FKBP5: variants seen among roughly 807,000 people sequenced by gnomAD.
FKBP5 encodes the protein FKBP prolyl isomerase 5.
In FKBP5, 23 loss-of-function variants were observed where a neutral mutation model predicts 50.5. That is an observed-to-expected ratio of 0.46 (90% CI 0.33 to 0.65). FKBP5 has a LOEUF of 0.65. FKBP5 is among the 30% of genes least tolerant of loss of function. The pLI is 0.02. For synonymous variants in FKBP5, 176 were observed against 190.6 expected (o/e 0.92, Z 0.63); for missense variants, 411 against 553.1 (o/e 0.74, Z 2.58).
intron 2 of FKBP5, among the ~76,000 whole-genome samples, chr6:35,711,941 A>C (rs960873831): frequency 6.6e-6 from 1 of 151,424 alleles, no homozygotes; most frequent in Non-Finnish European, 1.5e-5. Flanking sequence ...CAGTGGTGCA[A>C]TCATAGTTCA....
chr6:35,612,715 A>G (rs2150973141), intron 5 of FKBP5, among the ~76,000 whole-genome samples: 1 of 152,368 alleles, frequency 6.6e-6, no homozygotes, highest in South Asian at 2.1e-4. Flanking sequence ...AAGAGCCAGC[A>G]GGGTTTCCCT....
At chr6:35,595,928 G>C (rs915591171) in intron 6 of FKBP5, among the ~76,000 whole-genome samples, 1 of 152,172 alleles carries the variant, frequency 6.6e-6, no homozygotes, top group African/African-American at 2.4e-5. Context: ...GCTATAGTTA[G>C]TGGAAAGAGG....
chr6:35,577,159 A>G lies in FKBP5; in HGVS notation c.1101T>C (p.Phe367=), dbSNP rs1762248020. 6 of 1,614,046 alleles carry G rather than the reference A, an allele frequency of 3.7e-6. No individual in the cohort carries two copies. Among genetic ancestry groups the G allele is most frequent in the Admixed American group, 1.7e-5 (1 of 60,008 alleles). ...RGEAQLLMNE[F]ESAKGDFEKV... ...TCTCAAAGTCACCCTTGGCTGACTC[A>G]AACTCGTTCATGAGCAGCTGGGCTT... is the stretch of plus-strand genomic sequence containing the variant. The change falls in exon 10 of 11, where the codon TTT becomes TTC. Residue 367 remains phenylalanine, a synonymous_variant. Coordinates refer to ENST00000357266, the MANE Select transcript of FKBP5 (RefSeq NM_004117.4).
rs1179506863 is a variant in FKBP5, at chr6:35,597,256, A to G, written c.657T>C (p.Leu219=). The G allele has an allele frequency of 1.9e-6, 3 of 1,613,948 alleles. No homozygotes were observed. Among genetic ancestry groups the G allele is most frequent in the Non-Finnish European group, 2.5e-6 (3 of 1,179,964 alleles). The change falls in exon 6 of 11, where the codon CTT becomes CTC. Residue 219 remains leucine (L), a synonymous_variant. Transcript: ENST00000357266. ...ACTGGTATGCTGCTTACCTTGGTCC[A>G]AGATATAAAATACATTGTTCTTCCC... is the stretch of plus-strand genomic sequence containing the variant. ...MQREEQCILY[L]GPRYGFGEAG... is the part of the protein sequence containing the mutation.
chr6:35,643,835 G>A (rs756910780), intron 1 of FKBP5, among the ~76,000 whole-genome samples: 44 of 152,074 alleles, frequency 2.9e-4, no homozygotes, highest in Admixed American at 5.9e-4. Context: ...AAGACTATGC[G>A]CCTGTTAGGT....
At chr6:35,687,130 G>C (rs1484621982) in intron 1 of FKBP5, among the ~76,000 whole-genome samples, 2 of 152,126 alleles carry the variant, frequency 1.3e-5, no homozygotes, top group African/African-American at 4.8e-5. Context: ...TAGCAACTTT[G>C]TTCTTAACTT....
chr6:35,599,001 A>AATAAAT (rs1428372684), intron 5 of FKBP5, among the ~76,000 whole-genome samples: 3 of 151,964 alleles, frequency 2.0e-5, no homozygotes, highest in African/African-American at 7.3e-5. Context: ...TAAATAAATA[A>AATAAAT]AAATAAAAAA....
intron 8 of FKBP5, chr6:35,580,861 G>A: frequency 1.0e-6 from 1 of 985,228 alleles, no homozygotes; most frequent in Non-Finnish European, 1.2e-6. Context: ...TCTTTCAAAA[G>A]GATTGTGAGC....
intron 2 of FKBP5, among the ~76,000 whole-genome samples, chr6:35,701,243 T>G (rs1336812677): frequency 6.7e-6 from 1 of 149,746 alleles, no homozygotes; most frequent in African/African-American, 2.4e-5. Flanking sequence ...GTTTTTTGTT[T>G]TTTTGTTTTT....
At chr6:35,612,774 T>G (rs939673149) in intron 5 of FKBP5, among the ~76,000 whole-genome samples, 1 of 152,182 alleles carries the variant, frequency 6.6e-6, no homozygotes, top group Non-Finnish European at 1.5e-5. Context: ...CACTCTATCA[T>G]GAGAACAGCA....
At chr6:35,714,239 G>C in intron 2 of FKBP5, among the ~76,000 whole-genome samples, 1 of 145,914 alleles carries the variant, frequency 6.9e-6, no homozygotes, top group Non-Finnish European at 1.5e-5. Context: ...ATCACCTGAG[G>C]TCAGGAGTTC....
intron 5 of FKBP5, among the ~76,000 whole-genome samples, chr6:35,615,971 A>G (rs1471026722): frequency 6.6e-6 from 1 of 152,184 alleles, no homozygotes; most frequent in African/African-American, 2.4e-5. Context: ...AAAACATCCC[A>G]GAAACCCAAA....
At chr6:35,667,021 G>C (rs1581866341) in intron 1 of FKBP5, among the ~76,000 whole-genome samples, 1 of 7,788 alleles carries the variant, frequency 1.3e-4, no homozygotes, top group Non-Finnish European at 2.1e-4. Flanking sequence ...GTGTGTGTCT[G>C]TGTGTGTGTG....
intron 5 of FKBP5, among the ~76,000 whole-genome samples, chr6:35,602,381 C>T (rs1030762104): frequency 6.6e-6 from 1 of 152,018 alleles, no homozygotes; most frequent in Non-Finnish European, 1.5e-5. Flanking sequence ...TAGCTTTGCA[C>T]TCATTCTCAA....
At chr6:35,610,781 C>A (rs1039302643) in intron 5 of FKBP5, among the ~76,000 whole-genome samples, 68 of 151,882 alleles carry the variant, frequency 4.5e-4, no homozygotes, top group African/African-American at 1.6e-3. Flanking sequence ...AGTTTTCAGT[C>A]CTTGCCTGCA....
Position 35,642,737 on chromosome 6 carries a change from C to T in FKBP5, c.88G>A (p.Asp30Asn). ...GGCCTCACCTTTAATACTCCCCTGT[C>T]TTTTTTGGAGGTAATATCCTCTCCC... ...EQGEDITSKK[D>N]RGVLKIVKRV... is the part of the protein sequence containing the mutation. The change falls in exon 2 of 11, where the codon GAC becomes AAC. Residue 30 changes from aspartate to asparagine, a missense_variant. Asp to Asn is a conservative substitution (Grantham distance 23). Around this residue, in one of 3 missense-constraint regions of FKBP5, gnomAD observed 56 missense variants for 58.2 expected, o/e 0.96. Coordinates refer to ENST00000357266, the MANE Select transcript of FKBP5 (RefSeq NM_004117.4). 1 of 1,613,872 alleles carries T rather than the reference C, an allele frequency of 6.2e-7. No homozygotes were observed. The highest frequency in any genetic ancestry group is 8.5e-7 in the Non-Finnish European group (1 of 1,179,880).
intron 5 of FKBP5, among the ~76,000 whole-genome samples, chr6:35,610,626 G>C (rs556479257): frequency 6.8e-6 from 1 of 146,500 alleles, no homozygotes; most frequent in South Asian, 2.1e-4. Flanking sequence ...CCTAGTCGAA[G>C]TCCTAACACT....
At chr6:35,600,286 G>A (rs563784988) in intron 5 of FKBP5, among the ~76,000 whole-genome samples, 34 of 152,098 alleles carry the variant, frequency 2.2e-4, no homozygotes, top group Non-Finnish European at 3.7e-4. Context: ...GGGTGGTGAC[G>A]CACACCTATA....
intron 3 of FKBP5, among the ~76,000 whole-genome samples, chr6:35,627,182 T>A (rs554522350): frequency 6.6e-6 from 1 of 152,226 alleles, no homozygotes; most frequent in African/African-American, 2.4e-5. Flanking sequence ...CTAACCGGTA[T>A]GAGGGTAATA....
Sources: gnomAD v4.1 joint callset for allele counts (sites outside exome capture counted in the v4.1 genomes callset) on GRCh38, gnomAD v4.1.1 for gene constraint, gnomAD v4.1.1 regional missense constraint, MANE v1.5 for transcripts, NCBI Gene and HGNC (gene_info 2026-07-23, HGNC 2026-07-21) for gene names.